FRAS1: variants seen among roughly 807,000 people sequenced by gnomAD.
The protein encoded by FRAS1 is Fraser extracellular matrix complex subunit 1.
Under a neutral mutation model 435.2 loss-of-function variants are expected in FRAS1, and 290 were observed. That is an observed-to-expected ratio of 0.67 (90% CI 0.61 to 0.73). The LOEUF is 0.73. Ranked by LOEUF, FRAS1 falls within the 30% of genes least tolerant of loss-of-function variation. The probability of loss-of-function intolerance (pLI) is 0.00; values close to 1 mark genes in which losing one functional copy is unlikely to be tolerated. For synonymous variants in FRAS1, 1,800 were observed against 1,851.0 expected, an observed-to-expected ratio of 0.97 and a Z score of 0.71; for missense variants, 4,860 against 5,001.5, an observed-to-expected ratio of 0.97 and a Z score of 0.85.
intron 67 of FRAS1, among the ~76,000 whole-genome samples, chr4:78,520,623 C>T (rs1046196190): frequency 3.9e-5 from 6 of 151,996 alleles, no homozygotes; most frequent in African/African-American, 1.2e-4. Context: ...ATTTATAAAC[C>T]TAATACAATG....
chr4:78,393,008 CTTTTTT>C (rs36105436), intron 29 of FRAS1, among the ~76,000 whole-genome samples: 1 of 139,394 alleles, frequency 7.2e-6, no homozygotes, highest in East Asian at 2.1e-4. Flanking sequence ...ATGCTTCTTC[CTTTTTT>C]TTTTTTTTTA....
In FRAS1 at chr4:78,273,546, G is replaced by A. The variant is rs1276946481; in HGVS notation, c.982-5109G>A. Among the ~76,000 whole-genome samples, 5 of 152,252 alleles carry A rather than the reference G, an allele frequency of 3.3e-5. No individual in the cohort carries two copies. The South Asian group carries it at 1.0e-3, about 32-fold the overall frequency. ...GAAGGGCTGTTGAATTTTGTCAAAG[G>A]CGTTTTCTGCATCTATTGAGATAAT... On this transcript the variant is annotated intron_variant, in intron 9 of 73. Transcript: ENST00000512123.
rs1315208964 is a variant in FRAS1, at chr4:78,441,523, CAA to C, written c.5665+229_5665+230del. Among the ~76,000 whole-genome samples the C allele has an allele frequency of 2.0e-5, 3 of 152,164 alleles. No homozygotes were observed. In the South Asian group the frequency reaches 6.2e-4, roughly 32 times the overall value. On this transcript the variant is annotated intron_variant, in intron 41 of 73. Transcript: ENST00000512123. The stretch of plus-strand genomic sequence containing the variant: ...TAAGCACTAGGGATGTATCAACAGA[CAA>C]AACCCCCTCCCTTCACAGTGCCTTC...
chr4:78,321,770 G>A (rs375893139), intron 18 of FRAS1, among the ~76,000 whole-genome samples: 210 of 151,656 alleles, frequency 1.4e-3, no homozygotes, highest in African/African-American at 4.9e-3. Flanking sequence ...GCTTGAACTC[G>A]GGGGCGGGGG....
chr4:78,316,653 A>T (rs1016727205), intron 16 of FRAS1, among the ~76,000 whole-genome samples: 4 of 152,082 alleles, frequency 2.6e-5, no homozygotes, highest in Admixed American at 2.0e-4. Context: ...AGAGTCAGAG[A>T]TGTCCCCATT....
intron 59 of FRAS1, among the ~76,000 whole-genome samples, chr4:78,489,750 T>A (rs543996183): frequency 7.9e-5 from 12 of 152,200 alleles, no homozygotes; most frequent in Non-Finnish European, 1.8e-4. Context: ...CCTCTTAATC[T>A]CAAACTATGT....
intron 2 of FRAS1, among the ~76,000 whole-genome samples, chr4:78,194,559 C>T (rs886978509): frequency 2.0e-5 from 3 of 152,208 alleles, no homozygotes; most frequent in Admixed American, 6.5e-5. Flanking sequence ...TCCAGTTGAT[C>T]GAATTGGCGA....
At chr4:78,167,271 GA>G (rs1048272051) in intron 2 of FRAS1, among the ~76,000 whole-genome samples, 1 of 152,064 alleles carries the variant, frequency 6.6e-6, no homozygotes, top group Non-Finnish European at 1.5e-5. Flanking sequence ...AGCTAGAGAG[GA>G]ATAAAACGAT....
At chr4:78,101,901 G>T (rs1246461426) in intron 2 of FRAS1, among the ~76,000 whole-genome samples, 2 of 152,050 alleles carry the variant, frequency 1.3e-5, no homozygotes, top group African/African-American at 4.8e-5. Context: ...TTTTCATTCC[G>T]CTCGTGTCCA....
At chr4:78,231,138 G>A (rs1053222739) in intron 2 of FRAS1, among the ~76,000 whole-genome samples, 2 of 151,824 alleles carry the variant, frequency 1.3e-5, no homozygotes, top group Non-Finnish European at 2.9e-5. Context: ...TCTATTTTTA[G>A]TAGCGATGGG....
chr4:78,521,455 TTA>T (rs1451993202), intron 67 of FRAS1, 66 bp from the exon 68 acceptor site: 1 of 993,724 alleles, frequency 1.0e-6, no homozygotes, highest in African/African-American at 1.6e-5. Flanking sequence ...TTGGGATAAC[TTA>T]TATGTGGTTG....
intron 41 of FRAS1, chr4:78,444,131 A>C (rs1176781376): frequency 4.4e-6 from 2 of 453,418 alleles, no homozygotes; most frequent in Admixed American, 4.7e-5. Context: ...TTGGGATTAC[A>C]GGCATGAGCC....
chr4:78,513,530 C>T lies in FRAS1; in HGVS notation c.10152C>T (p.Thr3384=). Residue 3384 remains threonine, a synonymous_variant, in exon 65 of 74, where the codon ACC becomes ACT. Transcript: ENST00000512123. ...HQHVCSNLVT[T]YDLRGISEAG... is the part of the protein sequence containing the mutation. Reference sequence around the variant, plus strand: ...ACGTCTGCTCCAATTTAGTTACCACCTATGACCTGAGAGGCATCTCAGGTG... The same window carrying T: ...ACGTCTGCTCCAATTTAGTTACCACTTATGACCTGAGAGGCATCTCAGGTG... 1 of 1,613,804 alleles carries T rather than the reference C, an allele frequency of 6.2e-7. No individual in the cohort carries two copies. The highest frequency in any genetic ancestry group is 8.5e-7 in the Non-Finnish European group (1 of 1,179,828).
chr4:78,461,062 G>A (rs1174580468), intron 47 of FRAS1, among the ~76,000 whole-genome samples: 1 of 152,122 alleles, frequency 6.6e-6, no homozygotes, highest in Non-Finnish European at 1.5e-5. Context: ...TGTTGCCCCT[G>A]CACATATTTA....
chr4:78,283,462 G>T (rs1007386890), intron 12 of FRAS1, among the ~76,000 whole-genome samples: 7 of 152,152 alleles, frequency 4.6e-5, no homozygotes, highest in African/African-American at 1.7e-4. Flanking sequence ...TTGTCTACTT[G>T]TTCTGCAATT....
At chr4:78,077,077 C>T (rs569347519) in intron 2 of FRAS1, among the ~76,000 whole-genome samples, 2 of 152,234 alleles carry the variant, frequency 1.3e-5, no homozygotes, top group East Asian at 1.9e-4. Flanking sequence ...CTTGGCCTTG[C>T]ATGGTGCCTC....
At chr4:78,233,444 C>T (rs924456535) in intron 2 of FRAS1, among the ~76,000 whole-genome samples, 1 of 152,164 alleles carries the variant, frequency 6.6e-6, no homozygotes, top group African/African-American at 2.4e-5. Flanking sequence ...CTAGGTTTTA[C>T]TTGTGTAGAC....
chr4:78,305,788 C>G (rs896963763), intron 14 of FRAS1, among the ~76,000 whole-genome samples: 1 of 151,792 alleles, frequency 6.6e-6, no homozygotes, highest in African/African-American at 2.4e-5. Context: ...CTGAATATAG[C>G]ACACTGATGG....
At chr4:78,103,853 T>G (rs1251492214) in intron 2 of FRAS1, among the ~76,000 whole-genome samples, 1 of 152,210 alleles carries the variant, frequency 6.6e-6, no homozygotes, top group Admixed American at 6.5e-5. Flanking sequence ...CAATGTAAAA[T>G]ATTTTGTTAT....
Sources: allele counts gnomAD v4.1 joint callset (sites outside exome capture counted in the v4.1 genomes callset), GRCh38; gene constraint gnomAD v4.1.1; transcripts MANE v1.5; gene names NCBI Gene and HGNC (gene_info 2026-07-23, HGNC 2026-07-21).